TMEM266: variants seen among roughly 807,000 people sequenced by gnomAD.
The protein encoded by TMEM266 is Hv1 related protein 1.
In TMEM266, 33 loss-of-function variants were observed where a neutral mutation model predicts 50.5. That is an observed-to-expected ratio of 0.65 (90% CI 0.50 to 0.87). The LOEUF is 0.87. Among genes scored for constraint, TMEM266 ranks in the 40% least tolerant of loss-of-function variants. The pLI is 0.00. For missense variants in TMEM266, 655 were observed against 695.1 expected (o/e 0.94, Z 0.65); for synonymous variants, 310 against 292.3 (o/e 1.06, Z -0.62).
intron 3 of TMEM266, among the ~76,000 whole-genome samples, chr15:76,146,470 G>A (rs747669770): frequency 2.6e-4 from 40 of 152,310 alleles, no homozygotes; most frequent in Middle Eastern, 3.4e-3. Context: ...CTTGGAGGAA[G>A]TTCGGGTCTT....
chr15:76,168,827 C>T lies in TMEM266; in HGVS notation c.457-989C>T, dbSNP rs978345894. 3.3e-5 allele frequency among the ~76,000 whole-genome samples: 5 copies of T among 152,170 alleles called. No homozygotes were observed. The highest frequency in any genetic ancestry group is 1.3e-4 in the Admixed American group (2 of 15,280). On this transcript the variant is annotated intron_variant, in intron 5 of 10. Coordinates refer to ENST00000388942, the MANE Select transcript of TMEM266 (RefSeq NM_152335.3). This position sits in a 1 kb window ranked among gnomAD's most constrained non-coding sequence, Gnocchi z 4.4. ...GACGCCCAGAAACCATAGGAACACC[C>T]AGGAAGGAGGCACCAGCTGAGCCGG...
At chr15:76,178,373 C>T (rs1186304280) in intron 8 of TMEM266, among the ~76,000 whole-genome samples, 1 of 152,102 alleles carries the variant, frequency 6.6e-6, no homozygotes, top group African/African-American at 2.4e-5. Flanking sequence ...ATCCAGAAAG[C>T]GACTGGAAGC....
chr15:76,196,884 G>A (rs889798936), intron 9 of TMEM266, among the ~76,000 whole-genome samples: 1 of 152,158 alleles, frequency 6.6e-6, no homozygotes, highest in Non-Finnish European at 1.5e-5. Context: ...CAGGCTTTGG[G>A]GCCTGCCAAG....
chr15:76,196,728 G>A (rs2038662661), intron 9 of TMEM266, among the ~76,000 whole-genome samples: 2 of 152,202 alleles, frequency 1.3e-5, no homozygotes, highest in African/African-American at 4.8e-5. Flanking sequence ...CAGCCCAGGA[G>A]GGCGGGGTGC....
chr15:76,154,687 C>T (rs1434600625), intron 3 of TMEM266, among the ~76,000 whole-genome samples: 1 of 152,128 alleles, frequency 6.6e-6, no homozygotes, highest in African/African-American at 2.4e-5. Flanking sequence ...GAGCAGCTCC[C>T]TGAGTTTGGG....
intron 9 of TMEM266, among the ~76,000 whole-genome samples, chr15:76,195,258 G>C (rs1320898948): frequency 6.6e-6 from 1 of 152,094 alleles, no homozygotes; most frequent in Non-Finnish European, 1.5e-5. Flanking sequence ...CTTACTTCAG[G>C]GCCTGCCTCA....
At chr15:76,109,711 CTT>C (rs778661170) in intron 1 of TMEM266, among the ~76,000 whole-genome samples, 67 of 138,114 alleles carry the variant, frequency 4.9e-4, no homozygotes, top group African/African-American at 5.6e-4. Context: ...TCTTTCTTTT[CTT>C]TTTTTTTTTT....
chr15:76,182,500 C>T (rs1007720035), intron 8 of TMEM266, among the ~76,000 whole-genome samples: 4 of 151,688 alleles, frequency 2.6e-5, no homozygotes, highest in African/African-American at 7.3e-5. Flanking sequence ...AAAAATTAGC[C>T]CGGTGTGGTG....
chr15:76,156,646 G>T lies in TMEM266; in HGVS notation c.270G>T (p.Val90=). 6.2e-7 allele frequency: 1 copy of T among 1,614,216 alleles called. No homozygotes were observed. Among genetic ancestry groups the T allele is most frequent in the South Asian group, 1.1e-5 (1 of 91,084 alleles). ...CGTGCTGTGGGAAGAGAGCAGCCGTGTGGCAGGTATTTTTGCTCAGTGCAA... is the reference window on the plus strand; with the variant it reads ...CGTGCTGTGGGAAGAGAGCAGCCGTTTGGCAGGTATTTTTGCTCAGTGCAA... The change falls in exon 4 of 11, where the codon GTG becomes GTT. Residue 90 remains valine, a synonymous_variant. Transcript: ENST00000388942.
At chr15:76,156,177 A>G (rs1014980937) in intron 3 of TMEM266, among the ~76,000 whole-genome samples, 2 of 152,198 alleles carry the variant, frequency 1.3e-5, no homozygotes, top group African/African-American at 2.4e-5. Context: ...CCTGGCCAAC[A>G]TGATGAAACC....
At chr15:76,191,731 C>G (rs1334293344) in intron 8 of TMEM266, 1 of 474,476 alleles carries the variant, frequency 2.1e-6, no homozygotes, top group South Asian at 3.4e-5. Context: ...GAGATGGGGG[C>G]CAGACTGCAA....
At position 76,109,433 on chromosome 15, in the gene TMEM266, G is replaced by A. The variant is rs141275868; in HGVS notation, c.-96-24735G>A. Among the ~76,000 whole-genome samples, 118 of 152,320 alleles carry A rather than the reference G, an allele frequency of 7.7e-4. 1 individual carries two copies. The highest frequency in any genetic ancestry group is 2.8e-3 in the African/African-American group (115 of 41,576). Reference sequence around the variant, plus strand: ...ATAAAGAAAGGCCAAAAAAAACACAGCAGTGATAATTAAACATTTTTAAAG... The same window carrying A: ...ATAAAGAAAGGCCAAAAAAAACACAACAGTGATAATTAAACATTTTTAAAG... On this transcript the variant is annotated intron_variant, in intron 1 of 10. Transcript: ENST00000388942.
intron 4 of TMEM266, among the ~76,000 whole-genome samples, chr15:76,158,479 CTCGG>C (rs2037961710): frequency 2.0e-5 from 3 of 152,162 alleles, no homozygotes; most frequent in African/African-American, 7.2e-5. Context: ...CCTCGGGGCC[CTCGG>C]CTGCTCGGGC....
chr15:76,184,444 C>T (rs2038465465), intron 8 of TMEM266, among the ~76,000 whole-genome samples: 1 of 152,220 alleles, frequency 6.6e-6, no homozygotes, highest in Non-Finnish European at 1.5e-5. Flanking sequence ...TTACTCTGCT[C>T]CTAAATCATT....
rs144694817 is a variant in TMEM266, at chr15:76,153,042, C to T, written c.228-3562C>T. ...GTGTGCTCTGGTGTCAGGGCCAGGC[C>T]AACTATGGGCTGACTTCAGACCACA... On this transcript the variant is annotated intron_variant, in intron 3 of 10. Transcript: ENST00000388942. This position sits in a 1 kb window ranked among gnomAD's most constrained non-coding sequence, Gnocchi z 4.2. 2.7e-3 allele frequency among the ~76,000 whole-genome samples: 416 copies of T among 151,534 alleles called. 4 individuals carry two copies. The highest frequency in any genetic ancestry group is 2.3e-3 in the Non-Finnish European group (159 of 67,896).
chr15:76,076,945 TTTTG>T (rs1268765337), intron 1 of TMEM266, among the ~76,000 whole-genome samples: 2 of 151,850 alleles, frequency 1.3e-5, no homozygotes, highest in African/African-American at 4.9e-5. Flanking sequence ...ATAACCGTTT[TTTTG>T]TTTGTTTGTT....
chr15:76,204,458 C>T lies in TMEM266; in HGVS notation c.*143C>T, dbSNP rs1049254758. On this transcript the variant is annotated 3_prime_UTR_variant, in exon 11 of 11. Coordinates refer to ENST00000388942, the MANE Select transcript of TMEM266 (RefSeq NM_152335.3). ...GTGCTGCCTGCCTCCAGGGAGGCGACGCCAGGCCAGGAGGCCACAAGCTTC... is the reference window on the plus strand; with the variant it reads ...GTGCTGCCTGCCTCCAGGGAGGCGATGCCAGGCCAGGAGGCCACAAGCTTC... 1.9e-5 allele frequency: 14 copies of T among 731,256 alleles called. No individual in the cohort carries two copies. Among genetic ancestry groups the T allele is most frequent in the African/African-American group, 1.1e-4 (6 of 56,234 alleles). 45.3% of individuals were successfully genotyped at this position (731,256 alleles called of 1,614,324 possible).
chr15:76,182,716 C>G (rs1026982669), intron 8 of TMEM266, among the ~76,000 whole-genome samples: 1 of 152,108 alleles, frequency 6.6e-6, no homozygotes. Flanking sequence ...TTCACAAATG[C>G]ACTGTCATGT....
At chr15:76,155,635 T>C (rs1234464230) in intron 3 of TMEM266, among the ~76,000 whole-genome samples, 1 of 152,152 alleles carries the variant, frequency 6.6e-6, no homozygotes. Context: ...CATAAGAGCA[T>C]ATTGAAGGCC....
Sources: gnomAD v4.1 joint callset for allele counts (sites outside exome capture counted in the v4.1 genomes callset) on GRCh38, gnomAD v4.1.1 for gene constraint, Gnocchi (gnomAD v3.1) non-coding constraint, MANE v1.5 for transcripts, NCBI Gene and HGNC (gene_info 2026-07-23, HGNC 2026-07-21) for gene names.